Variants in LRP1B observed in about 807,000 individuals in gnomAD.
The protein encoded by LRP1B is LDL receptor related protein 1B.
LRP1B carries 217 observed loss-of-function variants against 556.6 expected under a neutral mutation model. The ratio of observed to expected loss-of-function variants is 0.39; its 90% confidence interval spans 0.35 to 0.44. The LOEUF (loss-of-function observed/expected upper bound fraction) is 0.44. Among genes scored for constraint, LRP1B ranks in the 20% least tolerant of loss-of-function variants. The pLI is 1.00. For synonymous variants in LRP1B, 2,047 were observed against 1,865.8 expected (o/e 1.10, Z -2.50); for missense variants, 5,053 against 5,620.8 (o/e 0.90, Z 3.23).
chr2:140,729,177 A>G (rs1396827319), intron 35 of LRP1B, among the ~76,000 whole-genome samples: 1 of 152,174 alleles, frequency 6.6e-6, no homozygotes, highest in Non-Finnish European at 1.5e-5. Flanking sequence ...AAATAAATTC[A>G]GAAATAGAAA....
At chr2:141,123,878 A>G (rs1357598948) in intron 7 of LRP1B, among the ~76,000 whole-genome samples, 1 of 152,172 alleles carries the variant, frequency 6.6e-6, no homozygotes, top group Non-Finnish European at 1.5e-5. Flanking sequence ...AGTATAAAAT[A>G]AATGCATTTC....
At chr2:140,512,979 C>T (rs1305896990) in intron 51 of LRP1B, among the ~76,000 whole-genome samples, 1 of 152,032 alleles carries the variant, frequency 6.6e-6, no homozygotes. Flanking sequence ...TAAATAAGCT[C>T]AGTATTTTGA....
chr2:142,016,027 T>C (rs1423223088), intron 1 of LRP1B, among the ~76,000 whole-genome samples: 1 of 97,236 alleles, frequency 1.0e-5, no homozygotes, highest in Non-Finnish European at 2.2e-5. Context: ...GTGAAGGAGA[T>C]GAACAGACAC....
chr2:141,132,909 T>G (rs1056117125), intron 7 of LRP1B, among the ~76,000 whole-genome samples: 3 of 152,058 alleles, frequency 2.0e-5, no homozygotes, highest in African/African-American at 7.2e-5. Context: ...TATTCAAATA[T>G]AAGGTATTAT....
intron 2 of LRP1B, among the ~76,000 whole-genome samples, chr2:141,510,877 AACACACACACAC>A (rs763698242): frequency 1.4e-5 from 2 of 141,258 alleles, no homozygotes; most frequent in African/African-American, 5.3e-5. Context: ...TCCTTGTCTA[AACACACACACAC>A]ACACACACAC....
chr2:141,476,206 G>A (rs936674748), intron 3 of LRP1B, among the ~76,000 whole-genome samples: 20 of 152,154 alleles, frequency 1.3e-4, no homozygotes, highest in Non-Finnish European at 2.4e-4. Context: ...GCACATTCTG[G>A]GAGGGGAGTC....
intron 1 of LRP1B, among the ~76,000 whole-genome samples, chr2:142,034,324 A>T (rs1007723155): frequency 8.6e-5 from 13 of 151,706 alleles, no homozygotes; most frequent in Non-Finnish European, 1.8e-4. Flanking sequence ...TTTCTTTATG[A>T]GCCTTCCATT....
At chr2:140,849,200 CAAAAA>C (rs70988447) in intron 29 of LRP1B, among the ~76,000 whole-genome samples, 7 of 100,520 alleles carry the variant, frequency 7.0e-5, no homozygotes, top group East Asian at 2.8e-4. Flanking sequence ...ACTAAAAATA[CAAAAA>C]AAAAAAAAAA....
chr2:141,405,600 G>A (rs1690604132), intron 3 of LRP1B, among the ~76,000 whole-genome samples: 2 of 152,014 alleles, frequency 1.3e-5, no homozygotes, highest in Admixed American at 1.3e-4. Flanking sequence ...AACAAAATGT[G>A]ACTTGGTCAT....
chr2:140,338,358 T>C (rs1298134411), intron 77 of LRP1B, among the ~76,000 whole-genome samples: 1 of 151,682 alleles, frequency 6.6e-6, no homozygotes, highest in Non-Finnish European at 1.5e-5. Context: ...TGCTTATTTA[T>C]TTTCAACACT....
At chr2:141,331,503 C>T (rs13417491) in intron 3 of LRP1B, among the ~76,000 whole-genome samples, 15 of 39,870 alleles carry the variant, frequency 3.8e-4, no homozygotes, top group African/African-American at 1.9e-3. Flanking sequence ...TCTTTCTTTC[C>T]TTCTTTCTTT....
At chr2:140,683,944 G>GC in intron 41 of LRP1B, 1 of 396,336 alleles carries the variant, frequency 2.5e-6, no homozygotes, top group Non-Finnish European at 4.7e-6. Context: ...TGGGCTACGT[G>GC]ACGCGCCTTT....
chr2:141,105,640 C>T (rs944945720), intron 7 of LRP1B, among the ~76,000 whole-genome samples: 2 of 150,410 alleles, frequency 1.3e-5, no homozygotes, highest in Admixed American at 6.7e-5. Context: ...TATTGACCAC[C>T]TGTCAAACTC....
chr2:140,995,525 A>C (rs1697219660), intron 15 of LRP1B, among the ~76,000 whole-genome samples: 1 of 152,060 alleles, frequency 6.6e-6, no homozygotes, highest in South Asian at 2.1e-4. Flanking sequence ...TTTGCTTTTC[A>C]AAGAGCTTTT....
At chr2:140,995,451 A>G (rs577616361) in intron 15 of LRP1B, among the ~76,000 whole-genome samples, 14 of 152,214 alleles carry the variant, frequency 9.2e-5, no homozygotes, top group African/African-American at 3.4e-4. Flanking sequence ...AACACTGATC[A>G]AAGTAACAAC....
intron 2 of LRP1B, among the ~76,000 whole-genome samples, chr2:141,519,695 CTA>C (rs10688392): frequency 6.6e-6 from 1 of 151,500 alleles, no homozygotes; most frequent in Non-Finnish European, 1.5e-5. Flanking sequence ...CTACAGATTT[CTA>C]TATATATATG....
At chr2:140,775,999 G>T in intron 33 of LRP1B, 99 bp downstream of exon 33, 1 of 1,032,472 alleles carries the variant, frequency 9.7e-7, no homozygotes, top group Non-Finnish European at 1.4e-6. Context: ...TTTATTAGAA[G>T]CAAGAATAGA....
intron 1 of LRP1B, among the ~76,000 whole-genome samples, chr2:142,077,823 T>C (rs1705562064): frequency 6.6e-6 from 1 of 152,150 alleles, no homozygotes; most frequent in Non-Finnish European, 1.5e-5. Flanking sequence ...TTGTTGCTGA[T>C]GGTAGGTCAT....
rs541122497 is a variant in LRP1B at position 141,283,928 on chromosome 2, CTG to C, written c.344-29289_344-29288del. Among the ~76,000 whole-genome samples, 332 of 152,050 alleles carry C rather than the reference CTG, an allele frequency of 2.2e-3. 2 individuals are homozygous for C. The highest frequency in any genetic ancestry group is 3.9e-3 in the Non-Finnish European group (264 of 67,986). On this transcript the variant is annotated intron_variant, in intron 3 of 90. Coordinates refer to ENST00000389484, the MANE Select transcript of LRP1B (RefSeq NM_018557.3). ...ATCATTTTAGATAATAAAAAATTATCTGAGCTTTTGCTGTTTGCTTATACTTT... is the reference window on the plus strand; with the variant it reads ...ATCATTTTAGATAATAAAAAATTATCAGCTTTTGCTGTTTGCTTATACTTT...
Sources: gnomAD v4.1 joint callset for allele counts (sites outside exome capture counted in the v4.1 genomes callset) on GRCh38, gnomAD v4.1.1 for gene constraint, MANE v1.5 for transcripts, NCBI Gene and HGNC (gene_info 2026-07-23, HGNC 2026-07-21) for gene names.